The following FSTL5 variants were observed in gnomAD, a reference collection of about 807,000 sequenced individuals.
FSTL5 encodes the protein follistatin-related protein 5.
In FSTL5, 62 loss-of-function variants were observed where a neutral mutation model predicts 89.1. That is an observed-to-expected ratio of 0.70 (90% CI 0.57 to 0.86). The LOEUF is 0.86. Ranked by LOEUF, FSTL5 falls within the 40% of genes least tolerant of loss-of-function variation. The pLI is 0.00. For synonymous variants in FSTL5, 383 were observed against 346.2 expected (o/e 1.11, Z -1.18); for missense variants, 1,057 against 1,001.6 (o/e 1.06, Z -0.75).
chr4:161,695,424 C>CGTGTGTGTGTGT (rs151205054), intron 6 of FSTL5, among the ~76,000 whole-genome samples: 3,470 of 134,180 alleles, frequency 0.026, 74 homozygotes, highest in African/African-American at 0.052. Context: ...CCATGGTGTA[C>CGTGTGTGTGTGT]GTGTGTGTGT....
intron 8 of FSTL5, among the ~76,000 whole-genome samples, chr4:161,583,378 T>C (rs1344099857): frequency 1.3e-5 from 2 of 152,182 alleles, no homozygotes; most frequent in Non-Finnish European, 1.5e-5. Flanking sequence ...CTTATGATAT[T>C]GATGACATTA....
chr4:161,387,749 G>A lies in FSTL5; in HGVS notation c.1842-1300C>T, dbSNP rs543154216. On this transcript the variant is annotated intron_variant, in intron 15 of 15. Coordinates refer to ENST00000306100, the MANE Select transcript of FSTL5 (RefSeq NM_020116.5). ...GAGTGCCTACACACAGATGTTTTACGAAAATAGACATAAAATTGTAATTGT... is the reference window on the plus strand; with the variant it reads ...GAGTGCCTACACACAGATGTTTTACAAAAATAGACATAAAATTGTAATTGT... 6.2e-4 allele frequency: 95 copies of A among 152,062 alleles called. 1 individual carries two copies. The highest frequency in any genetic ancestry group is 2.2e-3 in the African/African-American group (90 of 41,540). The allele number at this position is 152,062 out of a possible 1,614,324, so 9.4% of individuals were successfully genotyped here.
At chr4:161,883,423 G>A (rs1167291426) in intron 4 of FSTL5, among the ~76,000 whole-genome samples, 1 of 152,086 alleles carries the variant, frequency 6.6e-6, no homozygotes, top group Non-Finnish European at 1.5e-5. Flanking sequence ...ATTTCTCAAT[G>A]TCACATTAAC....
At chr4:161,878,080 A>T (rs960849987) in intron 4 of FSTL5, among the ~76,000 whole-genome samples, 5 of 152,098 alleles carry the variant, frequency 3.3e-5, no homozygotes, top group Admixed American at 6.5e-5. Flanking sequence ...TTTGAATCCC[A>T]CATAAAAAAT....
At chr4:161,920,899 A>C (rs970223687) in intron 3 of FSTL5, among the ~76,000 whole-genome samples, 6 of 152,056 alleles carry the variant, frequency 3.9e-5, no homozygotes, top group Non-Finnish European at 8.8e-5. Flanking sequence ...AGAGAAGTGT[A>C]GTGCTTAATG....
At chr4:161,482,458 C>G (rs545913581) in intron 12 of FSTL5, among the ~76,000 whole-genome samples, 15 of 152,276 alleles carry the variant, frequency 9.9e-5, no homozygotes, top group Middle Eastern at 3.4e-3. Flanking sequence ...CAGTTGTTAT[C>G]TCTAAGCTAA....
chr4:161,933,495 T>TA (rs1734348212), intron 3 of FSTL5, among the ~76,000 whole-genome samples: 1 of 152,082 alleles, frequency 6.6e-6, no homozygotes, highest in African/African-American at 2.4e-5. Context: ...TTTCATAAGT[T>TA]AAAAAAGTTG....
chr4:162,066,175 T>C (rs1013013282), intron 2 of FSTL5, among the ~76,000 whole-genome samples: 5 of 152,046 alleles, frequency 3.3e-5, no homozygotes, highest in African/African-American at 4.8e-5. Context: ...ACTCTTTTTA[T>C]CTCTGAATTT....
At chr4:161,881,745 C>A (rs928585869) in intron 4 of FSTL5, among the ~76,000 whole-genome samples, 2 of 152,076 alleles carry the variant, frequency 1.3e-5, no homozygotes, top group South Asian at 2.1e-4. Flanking sequence ...CTTTCCCTAA[C>A]GCAGGCTTAT....
chr4:161,745,025 GA>G (rs946782150), intron 6 of FSTL5, among the ~76,000 whole-genome samples: 4 of 136,374 alleles, frequency 2.9e-5, no homozygotes, highest in Admixed American at 7.3e-5. Flanking sequence ...GTTTCCGGAG[GA>G]AAAAAAAAAG....
intron 15 of FSTL5, among the ~76,000 whole-genome samples, chr4:161,454,254 C>T (rs1733272380): frequency 6.6e-6 from 1 of 152,124 alleles, no homozygotes; most frequent in Admixed American, 6.6e-5. Context: ...ATCTTTGTTT[C>T]AGATTCATTT....
chr4:161,558,415 T>C (rs1422355712), intron 8 of FSTL5, among the ~76,000 whole-genome samples: 1 of 151,888 alleles, frequency 6.6e-6, no homozygotes, highest in East Asian at 1.9e-4. Context: ...GAATTTACAG[T>C]TATCTCAAAA....
At chr4:161,893,852 TC>T (rs1406636173) in intron 4 of FSTL5, among the ~76,000 whole-genome samples, 16 of 152,214 alleles carry the variant, frequency 1.1e-4, no homozygotes, top group Non-Finnish European at 1.6e-4. Context: ...CTTTTTCTTT[TC>T]TTTCCCTAAA....
chr4:161,958,116 G>T (rs755439447), intron 3 of FSTL5, among the ~76,000 whole-genome samples: 10 of 151,834 alleles, frequency 6.6e-5, no homozygotes, highest in Non-Finnish European at 1.2e-4. Flanking sequence ...CTGATCTGCT[G>T]TTTATTCTTC....
At chr4:161,804,655 G>T (rs547200336) in intron 4 of FSTL5, among the ~76,000 whole-genome samples, 1 of 151,836 alleles carries the variant, frequency 6.6e-6, no homozygotes, top group African/African-American at 2.4e-5. Context: ...GGACGGTTTT[G>T]AGATGTGCCT....
chr4:162,100,525 T>G (rs1730953950), intron 2 of FSTL5, among the ~76,000 whole-genome samples: 1 of 152,192 alleles, frequency 6.6e-6, no homozygotes, highest in Non-Finnish European at 1.5e-5. Flanking sequence ...AAACGAAAGA[T>G]GAAGAGGCAA....
intron 11 of FSTL5, among the ~76,000 whole-genome samples, chr4:161,501,592 A>C (rs1730295094): frequency 6.6e-6 from 1 of 152,026 alleles, no homozygotes; most frequent in South Asian, 2.1e-4. Flanking sequence ...ATTATTTTAT[A>C]AATAATTCTC....
chr4:161,608,204 G>A (rs2126632367), intron 7 of FSTL5, among the ~76,000 whole-genome samples: 1 of 152,194 alleles, frequency 6.6e-6, no homozygotes, highest in Non-Finnish European at 1.5e-5. Context: ...AAAATGTGAA[G>A]CAGAAGACTC....
chr4:161,779,789 A>ATACATATATATATGTATATATATATGTG, intron 4 of FSTL5, among the ~76,000 whole-genome samples: 1 of 51,054 alleles, frequency 2.0e-5, no homozygotes, highest in South Asian at 8.0e-4. Flanking sequence ...ATATATATAT[A>ATACATATATATATGTATATATATATGTG]TATATATATA....
Sources: gnomAD v4.1 joint callset for allele counts (sites outside exome capture counted in the v4.1 genomes callset) on GRCh38, gnomAD v4.1.1 for gene constraint, MANE v1.5 for transcripts, NCBI Gene and HGNC (gene_info 2026-07-23, HGNC 2026-07-21) for gene names.